The following APOL5 variants were observed in gnomAD, a reference collection of about 807,000 sequenced individuals.
APOL5 encodes the protein apolipoprotein L, 5.
In APOL5, 29 loss-of-function variants were observed where a neutral mutation model predicts 35.5. The ratio of observed to expected loss-of-function variants is 0.82; its 90% confidence interval spans 0.61 to 1.11. The LOEUF (loss-of-function observed/expected upper bound fraction) is 1.11. APOL5 is among the 50% of genes most tolerant of loss of function. The probability of loss-of-function intolerance (pLI) is 0.00; values close to 1 mark genes in which losing one functional copy is unlikely to be tolerated. For synonymous variants in APOL5, 188 were observed against 200.2 expected (o/e 0.94, Z 0.51); for missense variants, 514 against 530.4 (o/e 0.97, Z 0.30).
chr22:35,714,689 G>GT (rs1341207908), upstream of APOL5, among the ~76,000 whole-genome samples: 7 of 152,226 alleles, frequency 4.6e-5, no homozygotes, highest in Non-Finnish European at 1.5e-5. Flanking sequence ...CTCCAGCAAT[G>GT]AATGCAGGGT....
chr22:35,709,639 T>G, the APOL5 span, among the ~76,000 whole-genome samples: 45 of 152,240 alleles, frequency 3.0e-4, no homozygotes, highest in Non-Finnish European at 5.4e-4. Context: ...ATATTTGTTC[T>G]GTTTACATTT....
At chr22:35,718,490 C>T (rs1407677638) in intron 1 of APOL5, among the ~76,000 whole-genome samples, 1 of 150,374 alleles carries the variant, frequency 6.7e-6, no homozygotes, top group Non-Finnish European at 1.5e-5. Context: ...TGGTAGTGCA[C>T]ACCTGTAGTC....
chr22:35,709,367 TCACACACACACA>T, the APOL5 span, among the ~76,000 whole-genome samples: 1 of 149,824 alleles, frequency 6.7e-6, no homozygotes, highest in Non-Finnish European at 1.5e-5. Flanking sequence ...CACAAAATTT[TCACACACACACA>T]CACACACACA....
chr22:35,717,370 C>T (rs1926788010), upstream of APOL5, among the ~76,000 whole-genome samples: 1 of 145,714 alleles, frequency 6.9e-6, no homozygotes, highest in African/African-American at 2.6e-5. Context: ...CACTGCACTC[C>T]AGCCCAGGTG....
chr22:35,721,147 G>A (rs1926958938), intron 2 of APOL5, among the ~76,000 whole-genome samples: 1 of 152,178 alleles, frequency 6.6e-6, no homozygotes, highest in Non-Finnish European at 1.5e-5. Context: ...CAACCAAGTT[G>A]GCTGAAGTGT....
the APOL5 span, among the ~76,000 whole-genome samples, chr22:35,710,795 G>A: frequency 6.6e-6 from 1 of 152,122 alleles, no homozygotes; most frequent in Non-Finnish European, 1.5e-5. Context: ...GGAATCCTAC[G>A]GCGTGTGTCC....
At position 35,728,729 on chromosome 22, in the gene APOL5, G is replaced by A. The variant is rs763219644; in HGVS notation, c.1133G>A (p.Arg378His). The A allele has an allele frequency of 9.9e-6, 16 of 1,611,842 alleles. No homozygotes were observed. The highest frequency in any genetic ancestry group is 4.5e-5 in the East Asian group (2 of 44,630). ...GSRVVKPEGS[R>H]SPLPWPVVEH... ...AGGGACTCATGTTCCACAGGGTCTC[G>A]CTCACCTCTCCCCTGGCCTGTTGTG... is the stretch of plus-strand genomic sequence containing the variant. Residue 378 changes from arginine (R) to histidine (H), a missense_variant, in exon 4 of 5, where the codon CGC (arginine) becomes CAC (histidine). Physicochemically the swap from Arg to His is conservative, Grantham distance 29 (BLOSUM62 0). Coordinates refer to ENST00000249044, the MANE Select transcript of APOL5 (RefSeq NM_030642.1).
At chr22:35,724,185 G>A (rs987269365) in intron 2 of APOL5, among the ~76,000 whole-genome samples, 6 of 151,544 alleles carry the variant, frequency 4.0e-5, no homozygotes, top group Admixed American at 6.6e-5. Flanking sequence ...AGTAAGTGTC[G>A]CTAGGTGTGG....
In APOL5 at chr22:35,728,826, G is replaced by T. The variant is rs749653865; in HGVS notation, c.1230G>T (p.Met410Ile). 1.6e-5 allele frequency: 25 copies of T among 1,612,644 alleles called. No individual in the cohort carries two copies. The highest frequency in any genetic ancestry group is 2.2e-5 in the South Asian group (2 of 90,672). Reference sequence around the variant, plus strand: ...AGAGGACAGTCTCTGCCCCAAGGATGCTTGGCCACCAGCCAGCCCCACCAG... The same window carrying T: ...AGAGGACAGTCTCTGCCCCAAGGATTCTTGGCCACCAGCCAGCCCCACCAG... ...TPKRTVSAPR[M>I]LGHQPAPPAP... Residue 410 changes from methionine (M) to isoleucine (I), a missense_variant, in exon 4 of 5, where the codon ATG becomes ATT. Transcript: ENST00000249044.
Position 35,726,919 on chromosome 22 carries a change from C to T in APOL5, c.851C>T (p.Thr284Ile). 1.2e-6 allele frequency: 2 copies of T among 1,614,174 alleles called. No homozygotes were observed. The highest frequency in any genetic ancestry group is 2.2e-5 in the South Asian group (2 of 91,080). The change falls in exon 3 of 5, where the codon ACT becomes ATT. Residue 284 changes from threonine (T) to isoleucine (I), a missense_variant. This residue lies in a region of APOL5 where 238 missense variants were observed against 229.1 expected (regional missense o/e 1.04). Coordinates refer to ENST00000249044, the MANE Select transcript of APOL5 (RefSeq NM_030642.1). ...RGVQRAFEGT[T>I]LAMTNGAWVM... Reference sequence around the variant, plus strand: ...GTGCAGAGAGCCTTTGAGGGCACAACTCTGGCCATGACCAATGGTGCCTGG... The same window carrying T: ...GTGCAGAGAGCCTTTGAGGGCACAATTCTGGCCATGACCAATGGTGCCTGG...
chr22:35,711,067 G>A, the APOL5 span, among the ~76,000 whole-genome samples: 6 of 152,234 alleles, frequency 3.9e-5, no homozygotes, highest in Non-Finnish European at 5.9e-5. Flanking sequence ...CTACTTGGGA[G>A]GCTGAGGCAG....
At chr22:35,723,060 C>G (rs1160334270) in intron 2 of APOL5, among the ~76,000 whole-genome samples, 1 of 152,150 alleles carries the variant, frequency 6.6e-6, no homozygotes, top group East Asian at 1.9e-4. Flanking sequence ...CCCGCTTCCT[C>G]CAGGAGGGAG....
At position 35,728,733 on chromosome 22, in the gene APOL5, A is replaced by G. The variant is rs768827112; in HGVS notation, c.1137A>G (p.Ser379=). ...SRVVKPEGSR[S]PLPWPVVEHQ... is the part of the protein sequence containing the mutation. ...ACTCATGTTCCACAGGGTCTCGCTC[A>G]CCTCTCCCCTGGCCTGTTGTGGAGC... is the stretch of plus-strand genomic sequence containing the variant. The change falls in exon 4 of 5, where the codon TCA becomes TCG. Residue 379 remains serine, a synonymous_variant. Coordinates refer to ENST00000249044, the MANE Select transcript of APOL5 (RefSeq NM_030642.1). 5 of 1,611,398 alleles carry G rather than the reference A, an allele frequency of 3.1e-6. No individual in the cohort carries two copies. The South Asian group carries it at 5.5e-5, about 18-fold the overall frequency.
upstream of APOL5, among the ~76,000 whole-genome samples, chr22:35,714,258 G>A (rs1171570743): frequency 1.3e-5 from 2 of 152,206 alleles, no homozygotes; most frequent in African/African-American, 2.4e-5. Context: ...GTTGCAGTGA[G>A]CTGAGACCAT....
At position 35,726,365 on chromosome 22, in the gene APOL5, A is replaced by G; in HGVS notation, c.297A>G (p.Glu99=). 6.2e-7 allele frequency: 1 copy of G among 1,614,156 alleles called. No individual in the cohort carries two copies. The highest frequency in any genetic ancestry group is 8.5e-7 in the Non-Finnish European group (1 of 1,180,044). Residue 99 remains glutamate, a synonymous_variant, in exon 3 of 5, where the codon GAA becomes GAG. Coordinates refer to ENST00000249044, the MANE Select transcript of APOL5 (RefSeq NM_030642.1). The part of the protein sequence containing the change: ...SMPDGNLSEE[E]KLFLSYFPLH... ...CAGATGGAAATCTGTCAGAGGAGGA[A>G]AAATTGTTTCTCTCATATTTTCCTT...
At chr22:35,709,707 A>G in the APOL5 span, among the ~76,000 whole-genome samples, 2 of 151,928 alleles carry the variant, frequency 1.3e-5, no homozygotes, top group African/African-American at 4.8e-5. Context: ...CAAAATTCCT[A>G]TTTATTCCAT....
upstream of APOL5, among the ~76,000 whole-genome samples, chr22:35,715,450 A>G (rs976609993): frequency 2.0e-5 from 3 of 152,168 alleles, no homozygotes; most frequent in Non-Finnish European, 4.4e-5. Context: ...GGAGGTTGAC[A>G]GCCTGGTCAA....
intron 1 of APOL5, 120 bp from the exon 2 acceptor site, chr22:35,720,448 T>TAACG (rs59054451): frequency 1.6e-6 from 1 of 641,368 alleles, no homozygotes; most frequent in East Asian, 2.9e-5. Context: ...TGTTGTATTC[T>TAACG]TTTTTTTTTC....
rs1356652191 is a variant in APOL5 at position 35,726,363 on chromosome 22, G to A, written c.295G>A (p.Glu99Lys). ...SMPDGNLSEE[E>K]KLFLSYFPLH... ...GCCAGATGGAAATCTGTCAGAGGAG[G>A]AAAAATTGTTTCTCTCATATTTTCC... Residue 99 changes from glutamate (E) to lysine (K), a missense_variant, in exon 3 of 5, where the codon GAA (glutamate) becomes AAA (lysine). By Grantham distance (56) the Glu-to-Lys change is moderately conservative. This residue lies in a region of APOL5 where 254 missense variants were observed against 254.7 expected (regional missense o/e 1.00). Transcript: ENST00000249044. 1 of 1,614,104 alleles carries A rather than the reference G, an allele frequency of 6.2e-7. No individual in the cohort carries two copies. The highest frequency in any genetic ancestry group is 8.5e-7 in the Non-Finnish European group (1 of 1,180,038).
Sources: allele counts gnomAD v4.1 joint callset (sites outside exome capture counted in the v4.1 genomes callset), GRCh38; gene constraint gnomAD v4.1.1; regional missense constraint gnomAD v4.1.1; transcripts MANE v1.5; gene names NCBI Gene and HGNC (gene_info 2026-07-23, HGNC 2026-07-21).